Variants in CALN1 observed in about 807,000 individuals in gnomAD.
CALN1 encodes calneuron 1.
CALN1 carries 17 observed loss-of-function variants against 30.6 expected under a neutral mutation model. That is an observed-to-expected ratio of 0.56 (90% CI 0.38 to 0.83). The LOEUF (loss-of-function observed/expected upper bound fraction) is 0.83. Among genes scored for constraint, CALN1 ranks in the 40% least tolerant of loss-of-function variants. The pLI, the probability that CALN1 is intolerant of heterozygous loss-of-function variation, is 0.00. For missense variants in CALN1, 291 were observed against 354.9 expected (o/e 0.82, Z 1.45); for synonymous variants, 156 against 131.4 (o/e 1.19, Z -1.28).
intron 3 of CALN1, among the ~76,000 whole-genome samples, chr7:72,161,983 T>C (rs1229124983): frequency 6.6e-6 from 1 of 150,954 alleles, no homozygotes; most frequent in Non-Finnish European, 1.5e-5. Flanking sequence ...ATCTAGGAAC[T>C]GAATGATATA....
intron 3 of CALN1, among the ~76,000 whole-genome samples, chr7:72,204,402 CAAT>C (rs370753152): frequency 3.6e-4 from 54 of 152,102 alleles, no homozygotes; most frequent in African/African-American, 1.1e-3. Context: ...AAATCTCCAA[CAAT>C]ATTATTTTCA....
At chr7:71,789,789 T>C (rs150200180) in intron 6 of CALN1, among the ~76,000 whole-genome samples, 35 of 152,164 alleles carry the variant, frequency 2.3e-4, no homozygotes, top group Admixed American at 8.5e-4. Context: ...CGGATATTAA[T>C]ATGGGCCAGA....
intron 5 of CALN1, among the ~76,000 whole-genome samples, chr7:71,813,470 C>G (rs369162896): frequency 6.6e-6 from 1 of 152,076 alleles, no homozygotes; most frequent in Non-Finnish European, 1.5e-5. Flanking sequence ...TCCTAGGAAG[C>G]CTGTTATTAA....
At chr7:72,042,614 T>A (rs1333861871) in intron 4 of CALN1, among the ~76,000 whole-genome samples, 1 of 152,134 alleles carries the variant, frequency 6.6e-6, no homozygotes, top group Non-Finnish European at 1.5e-5. Context: ...CACGTACGTA[T>A]AACCCCAGCA....
intron 6 of CALN1, among the ~76,000 whole-genome samples, chr7:71,799,724 C>T (rs1432786781): frequency 2.6e-5 from 4 of 152,130 alleles, no homozygotes; most frequent in Admixed American, 2.6e-4. Context: ...GATCCACCGG[C>T]CTCAACCTCC....
At chr7:71,815,951 TACCGC>T (rs1283521290) in intron 5 of CALN1, among the ~76,000 whole-genome samples, 3 of 151,430 alleles carry the variant, frequency 2.0e-5, no homozygotes, top group Non-Finnish European at 4.4e-5. Flanking sequence ...GATCATAGCT[TACCGC>T]AGCCTCAAAC....
intron 2 of CALN1, among the ~76,000 whole-genome samples, chr7:72,370,183 T>C (rs1014252049): frequency 2.0e-5 from 3 of 152,210 alleles, no homozygotes; most frequent in Non-Finnish European, 2.9e-5. Flanking sequence ...TGACATCTCA[T>C]TGTAGTTCTC....
At chr7:72,194,684 T>C (rs925740640) in intron 3 of CALN1, among the ~76,000 whole-genome samples, 7 of 140,776 alleles carry the variant, frequency 5.0e-5, no homozygotes, top group African/African-American at 1.6e-4. Flanking sequence ...CTCTGCCCCC[T>C]GGGTTCAAGC....
intron 5 of CALN1, among the ~76,000 whole-genome samples, chr7:71,824,968 G>A (rs967408436): frequency 1.3e-5 from 2 of 152,180 alleles, no homozygotes; most frequent in African/African-American, 4.8e-5. Context: ...ATACAGTCAT[G>A]TTTTAAGTCT....
intron 6 of CALN1, among the ~76,000 whole-genome samples, chr7:71,798,740 GC>G (rs1296996325): frequency 2.0e-5 from 3 of 149,750 alleles, no homozygotes; most frequent in African/African-American, 4.9e-5. Flanking sequence ...TCCTGCCTCA[GC>G]CCCCCAAGTA....
At chr7:72,118,934 T>C (rs1808188534) in intron 3 of CALN1, among the ~76,000 whole-genome samples, 2 of 152,202 alleles carry the variant, frequency 1.3e-5, no homozygotes, top group Non-Finnish European at 2.9e-5. Flanking sequence ...GAAAAACTGT[T>C]CAGAATGGGT....
intron 1 of CALN1, among the ~76,000 whole-genome samples, chr7:72,443,794 C>T (rs1203813231): frequency 6.6e-6 from 1 of 151,700 alleles, no homozygotes; most frequent in African/African-American, 2.4e-5. Context: ...AGACCCTCTG[C>T]AAATGTTAGG....
chr7:71,811,810 C>T (rs752101996), intron 5 of CALN1, among the ~76,000 whole-genome samples: 88 of 151,942 alleles, frequency 5.8e-4, no homozygotes, highest in Non-Finnish European at 1.1e-3. Context: ...TCCCGAGTAG[C>T]TGGGATTACA....
At chr7:72,461,106 G>T in the CALN1 span, among the ~76,000 whole-genome samples, 4 of 152,138 alleles carry the variant, frequency 2.6e-5, no homozygotes, top group Non-Finnish European at 4.4e-5. Flanking sequence ...TCATGAGGGG[G>T]CATGACAGAT....
At chr7:72,447,980 A>G (rs1275901187), upstream of CALN1, among the ~76,000 whole-genome samples, 4 of 120,696 alleles carry the variant, frequency 3.3e-5, no homozygotes, top group Non-Finnish European at 5.0e-5. Context: ...CTGCCCATGC[A>G]CACACACACA....
At chr7:71,906,737 G>A (rs1359713271) in intron 5 of CALN1, among the ~76,000 whole-genome samples, 3 of 152,138 alleles carry the variant, frequency 2.0e-5, no homozygotes, top group Non-Finnish European at 4.4e-5. Context: ...TGAGAATGAT[G>A]AAGGAAATAG....
At chr7:72,196,019 CAGAG>C (rs71871332) in intron 3 of CALN1, among the ~76,000 whole-genome samples, 1 of 152,048 alleles carries the variant, frequency 6.6e-6, no homozygotes, top group South Asian at 2.1e-4. Flanking sequence ...AATAAGCAAA[CAGAG>C]AGAGACAGAA....
At chr7:71,893,484 G>T (rs142817490) in intron 5 of CALN1, among the ~76,000 whole-genome samples, 87 of 152,170 alleles carry the variant, frequency 5.7e-4, no homozygotes, top group African/African-American at 2.0e-3. Context: ...TTGAGCCCAG[G>T]AATTGAGACC....
At position 72,285,307 on chromosome 7, in the gene CALN1, C is replaced by T. The variant is rs190915364; in HGVS notation, c.120-6497G>A. Reference sequence around the variant, plus strand: ...TTGCCCAGGCTGGAGTGCAGTGGCACGATCTCAGCCACTGCAAGCTCCGCC... The same window carrying T: ...TTGCCCAGGCTGGAGTGCAGTGGCATGATCTCAGCCACTGCAAGCTCCGCC... On this transcript the variant is annotated intron_variant, in intron 2 of 6. Transcript: ENST00000395275. Among the ~76,000 whole-genome samples, 276 of 152,220 alleles carry T rather than the reference C, an allele frequency of 1.8e-3. 2 individuals carry two copies. The highest frequency in any genetic ancestry group is 6.2e-3 in the African/African-American group (258 of 41,520).
Sources: gnomAD v4.1 joint callset for allele counts (sites outside exome capture counted in the v4.1 genomes callset) on GRCh38, gnomAD v4.1.1 for gene constraint, MANE v1.5 for transcripts, NCBI Gene and HGNC (gene_info 2026-07-23, HGNC 2026-07-21) for gene names.